CUL2: variants seen among roughly 807,000 people sequenced by gnomAD.
CUL2 encodes the protein cullin 2.
Under a neutral mutation model 110.2 loss-of-function variants are expected in CUL2, and 22 were observed. That is an observed-to-expected ratio of 0.20 (90% CI 0.14 to 0.28). The LOEUF is 0.28. CUL2 is among the 10% of genes least tolerant of loss of function. The probability of loss-of-function intolerance (pLI) is 1.00; values close to 1 mark genes in which losing one functional copy is unlikely to be tolerated. For synonymous variants in CUL2, 279 were observed against 293.2 expected, an observed-to-expected ratio of 0.95 and a Z score of 0.49; for missense variants, 631 against 905.5, an observed-to-expected ratio of 0.70 and a Z score of 3.89.
At chr10:35,097,594 G>A (rs889841099) in intron 2 of CUL2, among the ~76,000 whole-genome samples, 1 of 151,700 alleles carries the variant, frequency 6.6e-6, no homozygotes, top group Non-Finnish European at 1.5e-5. Flanking sequence ...GGCATGATGT[G>A]CTGAGAATGG....
intron 4 of CUL2, 129 bp downstream of exon 4, chr10:35,060,745 G>C (rs1259883731): frequency 1.4e-6 from 1 of 718,316 alleles, no homozygotes; most frequent in East Asian, 2.7e-5. Context: ...GCAGAGAAAA[G>C]TCCATGTCAG....
intron 4 of CUL2, among the ~76,000 whole-genome samples, chr10:35,059,393 C>G (rs1211817540): frequency 6.6e-6 from 1 of 152,216 alleles, no homozygotes. Context: ...CAGCAGCCAT[C>G]AACACCGAGG....
At chr10:35,046,805 T>C (rs1489992424) in intron 6 of CUL2, among the ~76,000 whole-genome samples, 2 of 151,792 alleles carry the variant, frequency 1.3e-5, no homozygotes, top group Non-Finnish European at 2.9e-5. Context: ...GGTAGGAAAA[T>C]TGGCTTGAAC....
intron 1 of CUL2, among the ~76,000 whole-genome samples, chr10:35,083,142 A>G (rs2086981293): frequency 6.8e-6 from 1 of 147,578 alleles, no homozygotes; most frequent in Non-Finnish European, 1.5e-5. Context: ...GCATGAGAGC[A>G]AGACTCCATC....
At chr10:35,028,989 T>A (rs886354032) in intron 15 of CUL2, 102 bp from the exon 16 acceptor site, 1 of 700,552 alleles carries the variant, frequency 1.4e-6, no homozygotes, top group African/African-American at 1.8e-5. Flanking sequence ...ATTTTTTTCT[T>A]CCTCAAAATG....
chr10:35,125,377 G>A (rs966953549), intron 1 of CUL2, among the ~76,000 whole-genome samples: 4 of 152,158 alleles, frequency 2.6e-5, no homozygotes, highest in African/African-American at 4.8e-5. Flanking sequence ...GGAAACCGTA[G>A]AGCAAATACT....
intron 8 of CUL2, among the ~76,000 whole-genome samples, chr10:35,041,531 G>T (rs750548235): frequency 7.1e-6 from 1 of 140,902 alleles, no homozygotes; most frequent in African/African-American, 2.5e-5. Context: ...TTCCTGAAAT[G>T]AGCTTTTCTT....
chr10:35,022,842 C>T (rs189607165), intron 17 of CUL2, among the ~76,000 whole-genome samples: 152 of 152,064 alleles, frequency 1.0e-3, no homozygotes, highest in African/African-American at 3.3e-3. Context: ...GTCAGGCGTT[C>T]GAGACCAGCC....
intron 1 of CUL2, among the ~76,000 whole-genome samples, chr10:35,083,789 G>T (rs1260986929): frequency 6.6e-6 from 1 of 152,166 alleles, no homozygotes; most frequent in Non-Finnish European, 1.5e-5. Flanking sequence ...GACTGCTTGA[G>T]CCAAGGAGTT....
chr10:35,124,302 ACAAGTG>A (rs2087712948), intron 1 of CUL2, among the ~76,000 whole-genome samples: 1 of 152,184 alleles, frequency 6.6e-6, no homozygotes, highest in African/African-American at 2.4e-5. Context: ...AAGGCGACAG[ACAAGTG>A]CAATGGCTCA....
In CUL2 at chr10:35,033,249, C is replaced by G; in HGVS notation, c.1027G>C (p.Val343Leu). Residue 343 changes from valine to leucine, a missense_variant, in exon 11 of 21, where the codon GTT (valine) becomes CTT (leucine). This residue lies in a region of CUL2 where 338 missense variants were observed against 442.5 expected (regional missense o/e 0.76). Transcript: ENST00000374749. Reference sequence around the variant, plus strand: ...ACAAATTTACCATGCACTTCCAAAACTGACTCCACAAATAGTGTTGGCATC... The same window carrying G: ...ACAAATTTACCATGCACTTCCAAAAGTGACTCCACAAATAGTGTTGGCATC... ...ENMPTLFVES[V>L]LEVHGKFVQL... 2 of 1,613,378 alleles carry G rather than the reference C, an allele frequency of 1.2e-6. No homozygotes were observed. The highest frequency in any genetic ancestry group is 1.7e-6 in the Non-Finnish European group (2 of 1,179,492).
intron 8 of CUL2, 52 bp downstream of exon 8, chr10:35,044,514 A>G (rs1015385839): frequency 9.3e-6 from 11 of 1,181,768 alleles, no homozygotes; most frequent in Non-Finnish European, 1.3e-5. Context: ...GTTAAATAAA[A>G]CCAGGCCAGA....
rs1431437715 is a variant in CUL2, at chr10:35,056,116, T to C, written c.318-1577A>G. Among the ~76,000 whole-genome samples the C allele has an allele frequency of 2.0e-5, 3 of 152,238 alleles. No homozygotes were observed. In the East Asian group the frequency reaches 5.8e-4, roughly 29 times the overall value. On this transcript the variant is annotated intron_variant, in intron 4 of 20. Coordinates refer to ENST00000374749, the MANE Select transcript of CUL2 (RefSeq NM_003591.4). ...CCTATGCTTTTATTGGTTTCTTTTT[T>C]TGTGCATTCATCTTCTCTCTAGAAT...
chr10:35,123,092 G>A (rs770786163), intron 1 of CUL2, among the ~76,000 whole-genome samples: 7 of 152,018 alleles, frequency 4.6e-5, no homozygotes, highest in Admixed American at 3.9e-4. Flanking sequence ...GAGCTGTGAC[G>A]GCACCACTGC....
intron 1 of CUL2, among the ~76,000 whole-genome samples, chr10:35,077,478 C>T (rs1452293269): frequency 2.0e-5 from 3 of 151,718 alleles, no homozygotes; most frequent in Non-Finnish European, 4.4e-5. Flanking sequence ...CTCTGGACAA[C>T]AGAGCAAGAC....
chr10:35,079,239 G>A (rs976202761), intron 1 of CUL2, among the ~76,000 whole-genome samples: 1 of 152,216 alleles, frequency 6.6e-6, no homozygotes, highest in Non-Finnish European at 1.5e-5. Flanking sequence ...ATATCTCACT[G>A]TGCTGTACTC....
intron 17 of CUL2, among the ~76,000 whole-genome samples, chr10:35,023,616 C>T (rs1310413313): frequency 6.6e-6 from 1 of 152,062 alleles, no homozygotes; most frequent in Non-Finnish European, 1.5e-5. Flanking sequence ...GAGCCCCTTA[C>T]TAAAATTACT....
At chr10:35,074,873 C>T (rs1274471109) in intron 1 of CUL2, among the ~76,000 whole-genome samples, 1 of 152,196 alleles carries the variant, frequency 6.6e-6, no homozygotes, top group African/African-American at 2.4e-5. Context: ...TCCACACTTT[C>T]CTCTATTAGA....
intron 1 of CUL2, among the ~76,000 whole-genome samples, chr10:35,104,338 C>T (rs2087426580): frequency 1.3e-5 from 2 of 152,118 alleles, no homozygotes; most frequent in Non-Finnish European, 2.9e-5. Flanking sequence ...CTTAGTTACT[C>T]TGGAGGCTGA....
Sources: gnomAD v4.1 joint callset for allele counts (sites outside exome capture counted in the v4.1 genomes callset) on GRCh38, gnomAD v4.1.1 for gene constraint, gnomAD v4.1.1 regional missense constraint, MANE v1.5 for transcripts, NCBI Gene and HGNC (gene_info 2026-07-23, HGNC 2026-07-21) for gene names.